GPHN: variants seen among roughly 807,000 people sequenced by gnomAD.
The protein encoded by GPHN is gephyrin.
Under a neutral mutation model 95.5 loss-of-function variants are expected in GPHN, and 17 were observed. The ratio of observed to expected loss-of-function variants is 0.18; its 90% CI spans 0.12 to 0.27. The LOEUF is 0.27. Ranked by LOEUF, GPHN falls within the 10% of genes least tolerant of loss-of-function variation. The pLI is 1.00. For synonymous variants in GPHN, 320 were observed against 322.5 expected, an observed-to-expected ratio of 0.99 and a Z score of 0.08; for missense variants, 660 against 978.1, an observed-to-expected ratio of 0.67 and a Z score of 4.34.
intron 10 of GPHN, among the ~76,000 whole-genome samples, chr14:67,057,407 T>TGGC (rs1555477445): frequency 8.0e-6 from 1 of 124,510 alleles, no homozygotes; most frequent in Admixed American, 8.6e-5. Context: ...CATGGGCACA[T>TGGC]GGGTGGGGGG....
chr14:66,534,995 T>C (rs987849258), intron 1 of GPHN, among the ~76,000 whole-genome samples: 8 of 152,150 alleles, frequency 5.3e-5, no homozygotes, highest in Admixed American at 1.3e-4. Flanking sequence ...CCTTAACTTA[T>C]CAAGTTTGCT....
Position 66,508,268 on chromosome 14 carries a change from C to T in GPHN, c.-260C>T, listed in dbSNP as rs574427432. The stretch of plus-strand genomic sequence containing the variant: ...CTCCCCGTGCGGCCACCGCGCCCCC[C>T]AAGCTTGCCTCCTTCTTGCCGGACT... On this transcript the variant is annotated 5_prime_UTR_variant, in exon 1 of 23. Transcript: ENST00000478722. The T allele has an allele frequency of 9.2e-5, 53 of 573,428 alleles. No homozygotes were observed. Among genetic ancestry groups the T allele is most frequent in the African/African-American group, 9.1e-4 (48 of 52,860 alleles). 35.5% of individuals were successfully genotyped at this position (573,428 alleles called of 1,614,324 possible).
the GPHN span, chr14:67,412,186 A>G: frequency 1.4e-6 from 1 of 695,456 alleles, no homozygotes. Flanking sequence ...CGGCAGGGCG[A>G]CGCCTCCCTG....
At chr14:67,344,670 G>C in the GPHN span, among the ~76,000 whole-genome samples, 1 of 152,042 alleles carries the variant, frequency 6.6e-6, no homozygotes. Flanking sequence ...CTTGAGGCCA[G>C]GAGTTTGAGA....
intron 4 of GPHN, among the ~76,000 whole-genome samples, chr14:66,879,211 A>G (rs935165797): frequency 2.0e-5 from 3 of 151,982 alleles, no homozygotes; most frequent in Admixed American, 6.6e-5. Flanking sequence ...CTGTCAGGGG[A>G]TGGAGGGTTA....
the GPHN span, chr14:67,724,999 G>A: frequency 7.5e-7 from 1 of 1,329,998 alleles, no homozygotes; most frequent in Non-Finnish European, 1.1e-6. Flanking sequence ...AGGATGGCTG[G>A]GAGAATGAAT....
chr14:67,347,236 G>C, the GPHN span, among the ~76,000 whole-genome samples: 11 of 152,268 alleles, frequency 7.2e-5, no homozygotes, highest in Non-Finnish European at 1.5e-5. Flanking sequence ...ATTGTGCCCG[G>C]CCTTAAGACC....
chr14:66,637,847 T>C (rs978992853), intron 1 of GPHN, among the ~76,000 whole-genome samples: 4 of 152,172 alleles, frequency 2.6e-5, no homozygotes, highest in Non-Finnish European at 5.9e-5. Context: ...CAGTGGCCTT[T>C]AACCCTCAGT....
intron 4 of GPHN, among the ~76,000 whole-genome samples, chr14:66,837,848 C>T (rs2061916392): frequency 6.6e-6 from 1 of 151,852 alleles, no homozygotes; most frequent in African/African-American, 2.4e-5. Flanking sequence ...TGTATACCTA[C>T]TCTATGTCAG....
intron 1 of GPHN, among the ~76,000 whole-genome samples, chr14:66,632,571 C>A (rs1338511661): frequency 6.7e-6 from 1 of 149,854 alleles, no homozygotes; most frequent in African/African-American, 2.4e-5. Flanking sequence ...CGGCTCACTG[C>A]AACCTCCTCC....
chr14:67,340,082 T>C, the GPHN span: 1 of 169,498 alleles, frequency 5.9e-6, no homozygotes, highest in Non-Finnish European at 1.2e-5. Context: ...TGTCCAAAGG[T>C]AATGAGTTCT....
chr14:66,901,124 C>G (rs537354162), intron 5 of GPHN, among the ~76,000 whole-genome samples: 17 of 152,118 alleles, frequency 1.1e-4, no homozygotes, highest in African/African-American at 4.1e-4. Context: ...TTTTGGTTTG[C>G]ATCTATCTGA....
At chr14:66,878,081 A>C (rs548200459) in intron 4 of GPHN, among the ~76,000 whole-genome samples, 11 of 152,188 alleles carry the variant, frequency 7.2e-5, no homozygotes, top group South Asian at 2.1e-4. Context: ...CACATCTACA[A>C]CCATTTTTTC....
chr14:67,359,561 C>G, the GPHN span: 2 of 1,392,588 alleles, frequency 1.4e-6, no homozygotes, highest in South Asian at 1.2e-5. Context: ...AGGATCCTCC[C>G]AGGAAACAAG....
intron 9 of GPHN, among the ~76,000 whole-genome samples, chr14:66,998,544 G>A (rs1055092681): frequency 6.6e-6 from 1 of 151,994 alleles, no homozygotes; most frequent in Non-Finnish European, 1.5e-5. Context: ...GAAACCTCTT[G>A]ACAGGATCAT....
chr14:67,732,737 C>T, the GPHN span, among the ~76,000 whole-genome samples: 1 of 152,018 alleles, frequency 6.6e-6, no homozygotes, highest in African/African-American at 2.4e-5. Flanking sequence ...CCACCACACC[C>T]GGCTAATTGT....
At chr14:67,137,064 C>T (rs113347305) in intron 17 of GPHN, among the ~76,000 whole-genome samples, 359 of 152,044 alleles carry the variant, frequency 2.4e-3, no homozygotes, top group African/African-American at 8.1e-3. Flanking sequence ...GGCTAAGGCA[C>T]GGGAATCACT....
the GPHN span, chr14:67,254,163 C>G: frequency 7.0e-6 from 1 of 143,628 alleles, no homozygotes. Flanking sequence ...GATATCTATA[C>G]TAGATTTTAA....
chr14:66,781,665 G>T (rs2059612301), intron 3 of GPHN, among the ~76,000 whole-genome samples: 2 of 151,866 alleles, frequency 1.3e-5, no homozygotes, highest in South Asian at 2.1e-4. Flanking sequence ...TTTGTGTCTT[G>T]CTTTTTTATC....
Sources: allele counts gnomAD v4.1 joint callset (sites outside exome capture counted in the v4.1 genomes callset), GRCh38; gene constraint gnomAD v4.1.1; transcripts MANE v1.5; gene names NCBI Gene and HGNC (gene_info 2026-07-23, HGNC 2026-07-21).